Variants in ARSG observed in about 807,000 individuals in gnomAD.
ARSG encodes the protein ASG.
Under a neutral mutation model 50.5 loss-of-function variants are expected in ARSG, and 37 were observed. That is an observed-to-expected ratio of 0.73 (90% CI 0.56 to 0.96). The LOEUF (loss-of-function observed/expected upper bound fraction) is 0.96, where lower values mean the gene tolerates loss of function less well. Among genes scored for constraint, ARSG ranks in the 50% least tolerant of loss-of-function variants. The pLI is 0.00. For synonymous variants in ARSG, 225 were observed against 254.6 expected (o/e 0.88, Z 1.11); for missense variants, 629 against 675.3 (o/e 0.93, Z 0.76).
chr17:68,288,143 C>T (rs532290719), upstream of ARSG, among the ~76,000 whole-genome samples: 5 of 151,746 alleles, frequency 3.3e-5, no homozygotes, highest in East Asian at 9.7e-4. Flanking sequence ...ATTAAAGGCG[C>T]ATGCCACCAC....
intron 1 of ARSG, among the ~76,000 whole-genome samples, chr17:68,293,140 A>C (rs2076078240): frequency 6.6e-6 from 1 of 152,202 alleles, no homozygotes; most frequent in Non-Finnish European, 1.5e-5. Flanking sequence ...TCCATATATA[A>C]TGATATTTAG....
intron 2 of ARSG, among the ~76,000 whole-genome samples, chr17:68,315,069 C>T (rs1555768026): frequency 6.6e-6 from 1 of 152,206 alleles, no homozygotes; most frequent in African/African-American, 2.4e-5. Flanking sequence ...CTACTTTTCT[C>T]TTATATCTCA....
the ARSG span, among the ~76,000 whole-genome samples, chr17:68,441,336 C>T: frequency 3.9e-5 from 6 of 152,176 alleles, no homozygotes; most frequent in African/African-American, 1.2e-4. Flanking sequence ...AGGCAACAGG[C>T]GAACTCTGTA....
At chr17:68,351,334 C>T (rs2146374954) in intron 4 of ARSG, among the ~76,000 whole-genome samples, 1 of 152,224 alleles carries the variant, frequency 6.6e-6, no homozygotes, top group South Asian at 2.1e-4. Flanking sequence ...TCCACTTCCT[C>T]CCAAACTGGG....
intron 1 of ARSG, among the ~76,000 whole-genome samples, chr17:68,296,222 T>C (rs1423745424): frequency 6.6e-6 from 1 of 152,134 alleles, no homozygotes; most frequent in South Asian, 2.1e-4. Flanking sequence ...GTGGGACCAG[T>C]GGATTTTGCC....
At chr17:68,407,990 T>C (rs910768787) in intron 11 of ARSG, among the ~76,000 whole-genome samples, 5 of 151,694 alleles carry the variant, frequency 3.3e-5, no homozygotes, top group African/African-American at 1.2e-4. Flanking sequence ...CCCCATTCAG[T>C]ATTATGTTGG....
At chr17:68,350,750 A>C (rs2078722327) in intron 4 of ARSG, among the ~76,000 whole-genome samples, 1 of 152,112 alleles carries the variant, frequency 6.6e-6, no homozygotes, top group Non-Finnish European at 1.5e-5. Flanking sequence ...TCCCCACTGC[A>C]CTCCAGCCTG....
chr17:68,288,163 A>AT (rs531417432), upstream of ARSG, among the ~76,000 whole-genome samples: 11,577 of 147,710 alleles, frequency 0.078, 516 homozygotes, highest in African/African-American at 0.12. Context: ...CGCCCGGCTG[A>AT]TTTTTTTTTT....
intron 2 of ARSG, among the ~76,000 whole-genome samples, chr17:68,335,324 C>T (rs896622700): frequency 6.6e-6 from 1 of 151,974 alleles, no homozygotes; most frequent in African/African-American, 2.4e-5. Context: ...GAGGCCGAGA[C>T]GGGTGGATCG....
At chr17:68,277,461 G>C (rs1032092522) in intron 1 of ARSG, among the ~76,000 whole-genome samples, 7 of 149,298 alleles carry the variant, frequency 4.7e-5, no homozygotes, top group Non-Finnish European at 8.9e-5. Flanking sequence ...ATGGTGTCTC[G>C]CTCTGTTGCC....
At chr17:68,395,031 G>A in intron 9 of ARSG, 42 bp from the exon 10 acceptor site, 1 of 1,610,806 alleles carries the variant, frequency 6.2e-7, no homozygotes, top group Non-Finnish European at 8.5e-7. Context: ...CAGGGAGCGA[G>A]TCAGAAGAGC....
the ARSG span, among the ~76,000 whole-genome samples, chr17:68,433,760 GTT>G: frequency 1.9e-3 from 135 of 72,826 alleles, 4 homozygotes; most frequent in African/African-American, 6.7e-3. Flanking sequence ...AAGGGTCATA[GTT>G]TTTTTTTTTT....
rs1021333586 is a variant in ARSG, at chr17:68,337,975, A to G, written c.219-5629A>G. Among the ~76,000 whole-genome samples the G allele has an allele frequency of 2.6e-5, 4 of 152,176 alleles. 1 individual carries two copies. The East Asian group carries it at 7.7e-4, about 29-fold the overall frequency. ...CTAGAATCCCAGCACCGCTCGCTCC[A>G]GGAAACTTCTGTTTCAGGCAGGTCT... is the stretch of plus-strand genomic sequence containing the variant. On this transcript the variant is annotated intron_variant, in intron 2 of 11. Transcript: ENST00000621439.
chr17:68,424,319 T>C (rs867167673), downstream of ARSG: 10 of 437,164 alleles, frequency 2.3e-5, no homozygotes, highest in Middle Eastern at 1.1e-3. Flanking sequence ...ATGTGGGAAA[T>C]CACAAAACAA....
rs561610456 is a variant in ARSG at position 68,332,112 on chromosome 17, G to C, written c.219-11492G>C. On this transcript the variant is annotated intron_variant, in intron 2 of 11. Transcript: ENST00000621439. ...AAGCCTGGGAGCACTACGGGCGACC[G>C]GGGATTATTTCATCCTTTATGTACA... Among the ~76,000 whole-genome samples the C allele has an allele frequency of 9.9e-5, 15 of 152,284 alleles. No homozygotes were observed. In the South Asian group the frequency reaches 2.1e-3, roughly 21 times the overall value.
chr17:68,382,846 C>T (rs1345617656), intron 8 of ARSG, among the ~76,000 whole-genome samples: 1 of 152,158 alleles, frequency 6.6e-6, no homozygotes, highest in Non-Finnish European at 1.5e-5. Flanking sequence ...GGGTGGCTGG[C>T]ATATATAATT....
In ARSG at chr17:68,370,455, C is replaced by T. The variant is rs1283075655; in HGVS notation, c.913C>T (p.Pro305Ser). 5.0e-6 allele frequency: 8 copies of T among 1,613,900 alleles called. No individual in the cohort carries two copies. Among genetic ancestry groups the T allele is most frequent in the East Asian group, 2.2e-5 (1 of 44,894 alleles). The change falls in exon 8 of 12, where the codon CCG (proline) becomes TCG (serine). Residue 305 changes from proline (P) to serine (S), a missense_variant. Transcript: ENST00000621439. ...TTTCTGGTTTCTAGGAGACAATGGC[C>T]CGTGGGCTCAGAAGTGTGAGCTAGC... is the stretch of plus-strand genomic sequence containing the variant. ...TFLWFTGDNG[P>S]WAQKCELAGS... is the part of the protein sequence containing the mutation.
chr17:68,332,478 A>C (rs1599756443), intron 2 of ARSG, among the ~76,000 whole-genome samples: 1 of 152,316 alleles, frequency 6.6e-6, no homozygotes, highest in East Asian at 1.9e-4. Flanking sequence ...TAAGAGATTA[A>C]AGGCAGGCAT....
At chr17:68,434,649 A>G in the ARSG span, 1 of 1,613,226 alleles carries the variant, frequency 6.2e-7, no homozygotes, top group Non-Finnish European at 8.5e-7. Context: ...GCAGGTGGAC[A>G]TTTCATAACC....
Sources: allele counts gnomAD v4.1 joint callset (sites outside exome capture counted in the v4.1 genomes callset), GRCh38; gene constraint gnomAD v4.1.1; transcripts MANE v1.5; gene names NCBI Gene and HGNC (gene_info 2026-07-23, HGNC 2026-07-21).